Variants in PHTF1 observed in about 807,000 individuals in gnomAD.
PHTF1 encodes putative homeodomain transcription factor 1, also known as protein PHTF1.
In PHTF1, 88 loss-of-function variants were observed where a neutral mutation model predicts 102.4. The observed-to-expected ratio is 0.86, with a 90% CI of 0.72 to 1.03. PHTF1 has a LOEUF of 1.03. Ranked by LOEUF, PHTF1 falls within the 50% of genes least tolerant of loss-of-function variation. The probability of loss-of-function intolerance (pLI) is 0.00; values close to 1 mark genes in which losing one functional copy is unlikely to be tolerated. For missense variants in PHTF1, 814 were observed against 909.5 expected (o/e 0.89, Z 1.35); for synonymous variants, 289 against 305.2 (o/e 0.95, Z 0.55).
At position 113,710,355 on chromosome 1, in the gene PHTF1, G is replaced by A. The variant is rs1164090546; in HGVS notation, c.1168C>T (p.Pro390Ser). Residue 390 changes from proline to serine, a missense_variant, in exon 11 of 19, where the codon CCA becomes TCA. Physicochemically the swap from Pro to Ser is moderately conservative, Grantham distance 74 (BLOSUM62 -1). Coordinates refer to ENST00000369604, the MANE Select transcript of PHTF1 (RefSeq NM_001323043.2). Reference sequence around the variant, plus strand: ...CTGGTGACAGATGACCGGCACTCTGGGCCATGTAGCAGGTCGTCCCATAAC... The same window carrying A: ...CTGGTGACAGATGACCGGCACTCTGAGCCATGTAGCAGGTCGTCCCATAAC... ...DMLWDDLLHG[P>S]ECRSSVTSDS... is the part of the protein sequence containing the mutation. The A allele has an allele frequency of 1.2e-6, 2 of 1,613,990 alleles. No homozygotes were observed. Among genetic ancestry groups the A allele is most frequent in the Non-Finnish European group, 1.7e-6 (2 of 1,180,024 alleles).
chr1:113,705,893 T>C lies in PHTF1; in HGVS notation c.1668A>G (p.Lys556=), dbSNP rs1245417533. The C allele has an allele frequency of 1.2e-6, 2 of 1,613,388 alleles. No homozygotes were observed. The highest frequency in any genetic ancestry group is 2.2e-5 in the South Asian group (2 of 90,892). The part of the protein sequence containing the change: ...FMMCVAERTY[K]QRFLFAKLFS... ...TTTTCCTTATTTCTCCACTGACCTG[T>C]TTATATGTTCTCTCTGCCACACACA... The change falls in exon 13 of 19, where the codon AAA becomes AAG. Residue 556 remains lysine (K), a synonymous_variant. Coordinates refer to ENST00000369604, the MANE Select transcript of PHTF1 (RefSeq NM_001323043.2).
chr1:113,714,895 A>C (rs1056327641), intron 7 of PHTF1: 1 of 152,166 alleles, frequency 6.6e-6, no homozygotes, highest in South Asian at 2.1e-4. Flanking sequence ...GTGCTGTGTC[A>C]CTCCTCCTGG....
chr1:113,706,851 C>CTTTTTT (rs11363653), intron 11 of PHTF1, 129 bp from the exon 12 acceptor site: 83 of 217,590 alleles, frequency 3.8e-4, no homozygotes, highest in South Asian at 6.7e-4. Context: ...TTCTTTCTTT[C>CTTTTTT]TTTTTTTTTT....
intron 3 of PHTF1, among the ~76,000 whole-genome samples, chr1:113,741,559 T>C (rs1232068932): frequency 6.6e-6 from 1 of 152,224 alleles, no homozygotes; most frequent in African/African-American, 2.4e-5. Flanking sequence ...CAAAATAATT[T>C]TTCTACTTTC....
chr1:113,704,015 TA>T, intron 15 of PHTF1, 65 bp downstream of exon 15: 1 of 1,012,822 alleles, frequency 9.9e-7, no homozygotes, highest in Non-Finnish European at 1.5e-6. Context: ...GACCTAAGTC[TA>T]AAACAGAAAG....
intron 16 of PHTF1, 85 bp downstream of exon 16, chr1:113,700,709 T>A: frequency 7.7e-7 from 1 of 1,294,530 alleles, no homozygotes; most frequent in South Asian, 1.3e-5. Flanking sequence ...TAGACAGTGA[T>A]TAAACCCTGA....
intron 3 of PHTF1, among the ~76,000 whole-genome samples, chr1:113,745,982 G>A (rs1657178938): frequency 6.6e-6 from 1 of 152,160 alleles, no homozygotes; most frequent in Admixed American, 6.5e-5. Context: ...CCATGAAACT[G>A]GTCTCTGGTG....
upstream of PHTF1, among the ~76,000 whole-genome samples, chr1:113,759,818 C>T (rs1202616208): frequency 1.3e-5 from 2 of 152,204 alleles, no homozygotes; most frequent in Admixed American, 6.5e-5. Flanking sequence ...ATCTCTGTTC[C>T]CCAGTGGGCT....
At position 113,738,758 on chromosome 1, in the gene PHTF1, T is replaced by C. The variant is rs544881110; in HGVS notation, c.144A>G (p.Pro48=). ...NKPKKMGHIK[P]DLIDVDLIRG... Reference sequence around the variant, plus strand: ...TGATTAAGTCAACGTCAATCAAGTCTGGCTTTATGTGGCCCATCTTTTTCG... The same window carrying C: ...TGATTAAGTCAACGTCAATCAAGTCCGGCTTTATGTGGCCCATCTTTTTCG... Residue 48 remains proline (P), a synonymous_variant, in exon 4 of 19, where the codon CCA becomes CCG. Coordinates refer to ENST00000369604, the MANE Select transcript of PHTF1 (RefSeq NM_001323043.2). 2.2e-4 allele frequency: 354 copies of C among 1,603,984 alleles called. 5 individuals carry two copies. In the South Asian group the frequency reaches 3.8e-3, roughly 17 times the overall value.
intron 11 of PHTF1, among the ~76,000 whole-genome samples, chr1:113,709,013 T>C (rs1650643547): frequency 2.0e-5 from 3 of 152,132 alleles, no homozygotes; most frequent in Non-Finnish European, 4.4e-5. Flanking sequence ...CCCAACACTT[T>C]GGGAGGCTAA....
chr1:113,747,078 G>A lies in PHTF1; in HGVS notation c.103-8279C>T, dbSNP rs1188922559. The A allele has an allele frequency of 5.3e-5, 8 of 152,188 alleles. No homozygotes were observed. The East Asian group carries it at 1.5e-3, about 29-fold the overall frequency. 9.4% of individuals were successfully genotyped at this position (152,188 alleles called of 1,614,324 possible). A position where few individuals can be genotyped will look rare whatever the true frequency, so the allele number is the denominator to read the frequency against. ...ATTATCATGAGGATCAATTGTGTGT[G>A]TTGCTTAAAACAATGCAAGACATAC... On this transcript the variant is annotated intron_variant, in intron 3 of 18. Coordinates refer to ENST00000369604, the MANE Select transcript of PHTF1 (RefSeq NM_001323043.2).
At chr1:113,749,293 C>T (rs1444502045) in intron 3 of PHTF1, among the ~76,000 whole-genome samples, 1 of 152,156 alleles carries the variant, frequency 6.6e-6, no homozygotes, top group African/African-American at 2.4e-5. Flanking sequence ...CAGTCACTAA[C>T]ACACTGAATG....
intron 5 of PHTF1, among the ~76,000 whole-genome samples, chr1:113,735,910 T>C (rs1425050223): frequency 6.6e-6 from 1 of 152,182 alleles, no homozygotes; most frequent in Admixed American, 6.5e-5. Context: ...ACTTCCTTGG[T>C]AGACAATGGG....
At chr1:113,749,323 G>A (rs765127648) in intron 3 of PHTF1, among the ~76,000 whole-genome samples, 21 of 152,116 alleles carry the variant, frequency 1.4e-4, no homozygotes, top group Non-Finnish European at 2.2e-4. Flanking sequence ...TGTGCAATGC[G>A]TGAAGCATTT....
intron 3 of PHTF1, among the ~76,000 whole-genome samples, chr1:113,755,391 C>T (rs1432098772): frequency 6.6e-6 from 1 of 152,182 alleles, no homozygotes; most frequent in Admixed American, 6.5e-5. Flanking sequence ...GTATTCTCAG[C>T]ACCTAGTACA....
chr1:113,701,157 G>T (rs1169294152), intron 15 of PHTF1, among the ~76,000 whole-genome samples: 1 of 152,110 alleles, frequency 6.6e-6, no homozygotes, highest in Non-Finnish European at 1.5e-5. Flanking sequence ...TTTAGCAAGG[G>T]TCTAGAAGTA....
intron 9 of PHTF1, 30 bp from the exon 10 acceptor site, chr1:113,711,865 G>A: frequency 6.2e-7 from 1 of 1,605,058 alleles, no homozygotes; most frequent in Non-Finnish European, 8.5e-7. Flanking sequence ...CAAGCAATAG[G>A]AAAATATGTT....
chr1:113,734,058 G>A (rs1285443126), intron 5 of PHTF1, among the ~76,000 whole-genome samples: 1 of 152,122 alleles, frequency 6.6e-6, no homozygotes, highest in Non-Finnish European at 1.5e-5. Context: ...TCAGGAGTTT[G>A]AGACCAGCCT....
intron 3 of PHTF1, among the ~76,000 whole-genome samples, chr1:113,752,069 G>A (rs932589957): frequency 1.3e-5 from 2 of 152,066 alleles, no homozygotes; most frequent in Admixed American, 6.5e-5. Context: ...ATTTTGAAGG[G>A]ATTACATTGA....
Sources: allele counts gnomAD v4.1 joint callset (sites outside exome capture counted in the v4.1 genomes callset), GRCh38; gene constraint gnomAD v4.1.1; transcripts MANE v1.5; gene names NCBI Gene and HGNC (gene_info 2026-07-23, HGNC 2026-07-21).